CDH13: variants seen among roughly 807,000 people sequenced by gnomAD.
CDH13 encodes cadherin-13.
Under a neutral mutation model 63.8 loss-of-function variants are expected in CDH13, and 24 were observed. The ratio of observed to expected loss-of-function variants is 0.38; its 90% CI spans 0.27 to 0.53. CDH13 has a LOEUF of 0.53. Among genes scored for constraint, CDH13 ranks in the 20% least tolerant of loss-of-function variants. The probability of loss-of-function intolerance (pLI) is 0.85; values close to 1 mark genes in which losing one functional copy is unlikely to be tolerated. For synonymous variants in CDH13, 503 were observed against 355.3 expected, an observed-to-expected ratio of 1.42 and a Z score of -4.67; for missense variants, 1,049 against 903.1, an observed-to-expected ratio of 1.16 and a Z score of -2.07.
At chr16:83,051,934 A>AT (rs145765152) in intron 3 of CDH13, among the ~76,000 whole-genome samples, 11,968 of 150,632 alleles carry the variant, frequency 0.079, 618 homozygotes, top group Non-Finnish European at 0.12. Context: ...CAACCATTTA[A>AT]TTTTTTTTTT....
chr16:83,027,822 C>T (rs746052773), intron 2 of CDH13, among the ~76,000 whole-genome samples: 1 of 152,164 alleles, frequency 6.6e-6, no homozygotes, highest in African/African-American at 2.4e-5. Flanking sequence ...TGCCGCAGGA[C>T]TTTGCATATG....
At chr16:82,689,893 C>G (rs1915462149) in intron 1 of CDH13, among the ~76,000 whole-genome samples, 1 of 144,780 alleles carries the variant, frequency 6.9e-6, no homozygotes, top group African/African-American at 2.6e-5. Flanking sequence ...GCCTATAATC[C>G]CAGCACTTTT....
chr16:82,814,857 G>A (rs759981514), intron 1 of CDH13, among the ~76,000 whole-genome samples: 3 of 152,032 alleles, frequency 2.0e-5, no homozygotes, highest in African/African-American at 4.8e-5. Context: ...GTGGGATGTG[G>A]CTTTATCTCC....
chr16:83,044,689 T>C (rs1420174023), intron 3 of CDH13, among the ~76,000 whole-genome samples: 1 of 152,190 alleles, frequency 6.6e-6, no homozygotes, highest in Non-Finnish European at 1.5e-5. Context: ...TGGATGCAGA[T>C]GGTGTGTTTT....
At chr16:83,702,539 C>G (rs941055188) in intron 10 of CDH13, among the ~76,000 whole-genome samples, 1 of 152,186 alleles carries the variant, frequency 6.6e-6, no homozygotes, top group Non-Finnish European at 1.5e-5. Context: ...CATCTACCAA[C>G]TTTGCTCTAT....
chr16:83,746,890 G>C (rs1300785294), intron 10 of CDH13, among the ~76,000 whole-genome samples: 4 of 152,134 alleles, frequency 2.6e-5, no homozygotes, highest in Non-Finnish European at 5.9e-5. Flanking sequence ...AATCTCAAAA[G>C]AGCAACCTCA....
chr16:82,953,403 C>T lies in CDH13; in HGVS notation c.158-78607C>T, dbSNP rs550976708. 5 of 152,086 alleles carry T rather than the reference C, an allele frequency of 3.3e-5. No individual in the cohort carries two copies. The East Asian group carries it at 9.7e-4, about 29-fold the overall frequency. 9.4% of individuals were successfully genotyped at this position (152,086 alleles called of 1,614,324 possible). A position where few individuals can be genotyped will look rare whatever the true frequency, so the allele number is the denominator to read the frequency against. ...ATGGGGTTTCTAGCTCTTAGGAGAC[C>T]CTGATGGTGGCAATGAAGGTCTGCA... On this transcript the variant is annotated intron_variant, in intron 2 of 13. Transcript: ENST00000567109.
chr16:83,770,361 C>G (rs901703375), intron 11 of CDH13, among the ~76,000 whole-genome samples: 1 of 152,164 alleles, frequency 6.6e-6, no homozygotes, highest in Admixed American at 6.6e-5. Flanking sequence ...ATTCCATTCA[C>G]TTTATAGAAT....
At chr16:83,101,209 G>A (rs1162979868) in intron 3 of CDH13, among the ~76,000 whole-genome samples, 1 of 150,372 alleles carries the variant, frequency 6.7e-6, no homozygotes, top group Admixed American at 6.6e-5. Context: ...ATAGAGGTAT[G>A]TATATATACA....
intron 7 of CDH13, among the ~76,000 whole-genome samples, chr16:83,577,705 A>G (rs1424978212): frequency 1.3e-5 from 2 of 152,178 alleles, no homozygotes; most frequent in Non-Finnish European, 2.9e-5. Flanking sequence ...TGATGGATGC[A>G]CCTTGTGATA....
At chr16:83,188,679 CA>C (rs1251961854) in intron 4 of CDH13, among the ~76,000 whole-genome samples, 1 of 152,160 alleles carries the variant, frequency 6.6e-6, no homozygotes, top group Non-Finnish European at 1.5e-5. Context: ...CTTATTGTAT[CA>C]GCATGAATAT....
At chr16:83,085,330 C>G (rs1296009102) in intron 3 of CDH13, among the ~76,000 whole-genome samples, 1 of 152,090 alleles carries the variant, frequency 6.6e-6, no homozygotes, top group Non-Finnish European at 1.5e-5. Context: ...ATTCAATTAC[C>G]TCCCCTAGGT....
At chr16:83,076,263 C>T (rs1350210983) in intron 3 of CDH13, among the ~76,000 whole-genome samples, 1 of 152,142 alleles carries the variant, frequency 6.6e-6, no homozygotes, top group South Asian at 2.1e-4. Flanking sequence ...CCAAATTTCC[C>T]AAATGTTCCA....
chr16:83,629,084 T>C (rs1442338422), intron 8 of CDH13, among the ~76,000 whole-genome samples: 2 of 152,218 alleles, frequency 1.3e-5, no homozygotes, highest in Non-Finnish European at 1.5e-5. Context: ...GTAAAAATGA[T>C]TTTTGTATTT....
chr16:82,752,406 C>A (rs1597475552), intron 1 of CDH13, among the ~76,000 whole-genome samples: 1 of 152,124 alleles, frequency 6.6e-6, no homozygotes, highest in Non-Finnish European at 1.5e-5. Context: ...CCCACCACAC[C>A]CCATGTGTCT....
Position 83,737,855 on chromosome 16 carries a change from C to T in CDH13, c.1539-10253C>T, listed in dbSNP as rs75230165. ...GAGGCAGAGATCCACATTGGAACCA[C>T]ACTTCTGCTGCTGGAAAGCTGCATG... is the stretch of plus-strand genomic sequence containing the variant. On this transcript the variant is annotated intron_variant, in intron 10 of 13. Coordinates refer to ENST00000567109, the MANE Select transcript of CDH13 (RefSeq NM_001257.5). 3.7e-3 allele frequency among the ~76,000 whole-genome samples: 562 copies of T among 152,336 alleles called. 4 individuals carry two copies. Among genetic ancestry groups the T allele is most frequent in the African/African-American group, 0.013 (546 of 41,572 alleles).
intron 6 of CDH13, among the ~76,000 whole-genome samples, chr16:83,381,189 G>A (rs1368299874): frequency 1.3e-5 from 2 of 151,930 alleles, no homozygotes; most frequent in Non-Finnish European, 1.5e-5. Context: ...TCACATTTTA[G>A]CAAATGTACC....
rs1282063080 is a variant in CDH13 at position 83,216,429 on chromosome 16, T to TATATATATATATATATAA, written c.484-901_484-900insTAAATATATATATATATA. ...ATATATATATATATATATATATATA[T>TATATATATATATATATAA]ATATATATATATATACACAACCCTA... is the stretch of plus-strand genomic sequence containing the variant. On this transcript the variant is annotated intron_variant, in intron 4 of 13. Coordinates refer to ENST00000567109, the MANE Select transcript of CDH13 (RefSeq NM_001257.5). 2.3e-3 allele frequency among the ~76,000 whole-genome samples: 247 copies of TATATATATATATATATAA among 105,650 alleles called. 10 individuals carry two copies. Among genetic ancestry groups the TATATATATATATATATAA allele is most frequent in the Non-Finnish European group, 4.2e-3 (208 of 49,218 alleles). 69.3% of individuals were successfully genotyped at this position (105,650 alleles called of 152,430 possible). A position where few individuals can be genotyped will look rare whatever the true frequency, so the allele number is the denominator to read the frequency against.
At chr16:82,777,741 A>T (rs1234729242) in intron 1 of CDH13, among the ~76,000 whole-genome samples, 1 of 152,130 alleles carries the variant, frequency 6.6e-6, no homozygotes, top group Non-Finnish European at 1.5e-5. Flanking sequence ...CTAAGACTTG[A>T]CTGGGCATGG....
Sources: allele counts gnomAD v4.1 joint callset (sites outside exome capture counted in the v4.1 genomes callset), GRCh38; gene constraint gnomAD v4.1.1; transcripts MANE v1.5; gene names NCBI Gene and HGNC (gene_info 2026-07-23, HGNC 2026-07-21).